The following MISFA variants were observed in gnomAD, a reference collection of about 807,000 sequenced individuals.
MISFA encodes the protein mitochondrial sheath formation-associated protein.
At chr11:18,603,990 G>T in the MISFA span, 1 of 306,566 alleles carries the variant, frequency 3.3e-6, no homozygotes, top group Non-Finnish European at 5.7e-6. Context: ...GCAGTGGCGC[G>T]ATCTCGGCTC....
At chr11:18,607,537 G>A in the MISFA span, 1 of 152,536 alleles carries the variant, frequency 6.6e-6, no homozygotes, top group Non-Finnish European at 1.5e-5. Flanking sequence ...AATCAAAACA[G>A]TAGAGAATAC....
At chr11:18,602,855 C>G in the MISFA span, 1 of 338,990 alleles carries the variant, frequency 2.9e-6, no homozygotes, top group Non-Finnish European at 5.3e-6. Context: ...CATCTAGCAC[C>G]CTGGCCAACC....
At chr11:18,600,693 G>A in the MISFA span, among the ~76,000 whole-genome samples, 1 of 150,616 alleles carries the variant, frequency 6.6e-6, no homozygotes, top group Non-Finnish European at 1.5e-5. Context: ...GCTAATTTTT[G>A]GTATTTTTAG....
At chr11:18,604,230 C>T in the MISFA span, among the ~76,000 whole-genome samples, 9 of 151,976 alleles carry the variant, frequency 5.9e-5, no homozygotes, top group African/African-American at 9.7e-5. Flanking sequence ...CCGGCATTAC[C>T]GCATTTTTTA....
the MISFA span, among the ~76,000 whole-genome samples, chr11:18,603,561 CCTG>C: frequency 6.6e-6 from 1 of 152,336 alleles, no homozygotes; most frequent in Non-Finnish European, 1.5e-5. Flanking sequence ...TCTCTCTCCT[CCTG>C]CTAGACCTTG....
At chr11:18,604,827 A>G in the MISFA span, among the ~76,000 whole-genome samples, 6 of 152,328 alleles carry the variant, frequency 3.9e-5, no homozygotes, top group East Asian at 1.2e-3. Flanking sequence ...CCTGGGCTGC[A>G]GAGTCAAGAT....
the MISFA span, chr11:18,603,184 C>T: frequency 8.3e-5 from 33 of 399,070 alleles, no homozygotes; most frequent in African/African-American, 5.9e-4. Context: ...ATATAAATAT[C>T]CCCCAGGAGG....
At chr11:18,599,997 G>T in the MISFA span, 3 of 398,812 alleles carry the variant, frequency 7.5e-6, no homozygotes, top group East Asian at 1.1e-4. Context: ...CAGAGTTGAT[G>T]GTAAGTAATG....
At chr11:18,601,016 G>T in the MISFA span, 10 of 398,226 alleles carry the variant, frequency 2.5e-5, no homozygotes, top group Admixed American at 4.4e-5. Flanking sequence ...AGCCCTTCTG[G>T]TCACCACACA....
chr11:18,601,441 G>A, the MISFA span: 1 of 395,400 alleles, frequency 2.5e-6, no homozygotes, highest in South Asian at 1.3e-4. Context: ...ACTATTAATA[G>A]CATTCTTTTT....
the MISFA span, chr11:18,603,336 T>G: frequency 2.5e-6 from 1 of 396,264 alleles, no homozygotes; most frequent in African/African-American, 2.1e-5. Context: ...CTGTAGCTGT[T>G]GGGAGGGTTC....
the MISFA span, among the ~76,000 whole-genome samples, chr11:18,606,045 GGACCCTGCTCATTTT>G: frequency 6.6e-6 from 1 of 152,144 alleles, no homozygotes; most frequent in African/African-American, 2.4e-5. Context: ...ATAAGAGATA[GGACCCTGCTCATTTT>G]GACAAGAGGA....
At chr11:18,599,855 A>C in the MISFA span, 25 of 398,054 alleles carry the variant, frequency 6.3e-5, no homozygotes, top group African/African-American at 4.3e-4. Context: ...TCGTGAGCGC[A>C]CTCCTTTGCC....
the MISFA span, chr11:18,602,913 G>C: frequency 2.9e-5 from 11 of 381,890 alleles, no homozygotes. Flanking sequence ...TACAGGAGCT[G>C]ATATCATAAT....
the MISFA span, chr11:18,608,783 G>GA: frequency 2.6e-5 from 4 of 152,466 alleles, no homozygotes; most frequent in Admixed American, 6.6e-5. Flanking sequence ...CCTACCTGGG[G>GA]AAAAAAATCT....
chr11:18,603,848 C>T, the MISFA span: 1 of 391,690 alleles, frequency 2.6e-6, no homozygotes, highest in Admixed American at 4.5e-5. Flanking sequence ...CTGTACAGTT[C>T]CTGTTGTTGG....
chr11:18,601,626 T>A, the MISFA span: 1 of 396,738 alleles, frequency 2.5e-6, no homozygotes, highest in Non-Finnish European at 4.4e-6. Flanking sequence ...CCCAGGCAGG[T>A]CTTGAACTCC....
chr11:18,607,742 C>T, the MISFA span: 6 of 152,112 alleles, frequency 3.9e-5, no homozygotes, highest in African/African-American at 1.4e-4. Context: ...CAGAAGTGCT[C>T]TTTTATAATG....
At chr11:18,605,867 G>T in the MISFA span, among the ~76,000 whole-genome samples, 14 of 152,068 alleles carry the variant, frequency 9.2e-5, no homozygotes, top group Non-Finnish European at 1.9e-4. Context: ...TAGTAGAGAC[G>T]GAGTTTTGCC....
Sources: gnomAD v4.1 joint callset for allele counts (sites outside exome capture counted in the v4.1 genomes callset) on GRCh38, gnomAD v4.1.1 for gene constraint, MANE v1.5 for transcripts, NCBI Gene and HGNC (gene_info 2026-07-23, HGNC 2026-07-21) for gene names.